IGSF21: variants seen among roughly 807,000 people sequenced by gnomAD.
The protein encoded by IGSF21 is immunoglobin superfamily member 21.
Under a neutral mutation model 46.8 loss-of-function variants are expected in IGSF21, and 28 were observed. The ratio of observed to expected loss-of-function variants is 0.60; its 90% CI spans 0.44 to 0.82. The LOEUF (loss-of-function observed/expected upper bound fraction) is 0.82, where lower values mean the gene tolerates loss of function less well. Among genes scored for constraint, IGSF21 ranks in the 40% least tolerant of loss-of-function variants. The probability of loss-of-function intolerance (pLI) is 0.00; values close to 1 mark genes in which losing one functional copy is unlikely to be tolerated. For synonymous variants in IGSF21, 284 were observed against 273.6 expected, an observed-to-expected ratio of 1.04 and a Z score of -0.38; for missense variants, 624 against 665.5, an observed-to-expected ratio of 0.94 and a Z score of 0.69.
chr1:18,300,200 C>T (rs2124574173), intron 3 of IGSF21, among the ~76,000 whole-genome samples: 2 of 152,212 alleles, frequency 1.3e-5, no homozygotes, highest in East Asian at 3.9e-4. Context: ...TTGCTGAGCT[C>T]CACCAAGACA....
intron 2 of IGSF21, 34 bp downstream of exon 2, chr1:18,228,044 G>T: frequency 6.6e-7 from 1 of 1,521,066 alleles, no homozygotes; most frequent in Non-Finnish European, 9.1e-7. Context: ...TCATGCCCAT[G>T]GCCAGGACTG....
chr1:18,248,695 C>T (rs1178577918), intron 2 of IGSF21, among the ~76,000 whole-genome samples: 1 of 152,164 alleles, frequency 6.6e-6, no homozygotes, highest in East Asian at 1.9e-4. Context: ...TTCATTCCTC[C>T]AACATTCCCA....
At chr1:18,181,273 C>T (rs923922350) in intron 1 of IGSF21, among the ~76,000 whole-genome samples, 4 of 152,160 alleles carry the variant, frequency 2.6e-5, no homozygotes, top group African/African-American at 4.8e-5. Context: ...ATAGCTCTGC[C>T]GAACTCCAAA....
intron 3 of IGSF21, among the ~76,000 whole-genome samples, chr1:18,317,480 A>C (rs150816594): frequency 5.1e-4 from 77 of 152,280 alleles, no homozygotes; most frequent in African/African-American, 1.5e-3. Flanking sequence ...TCTCCATGGG[A>C]ACCACACCTG....
At position 18,263,175 on chromosome 1, in the gene IGSF21, G is replaced by A. The variant is rs111449742; in HGVS notation, c.184-28691G>A. On this transcript the variant is annotated intron_variant, in intron 2 of 9. Transcript: ENST00000251296. ...AAATAAAAGAACAACAACTCAGAGG[G>A]TTAACCATATCACACTGAGTTTTTC... Among the ~76,000 whole-genome samples, 921 of 152,270 alleles carry A rather than the reference G, an allele frequency of 6.0e-3. 8 individuals carry two copies. The highest frequency in any genetic ancestry group is 0.021 in the African/African-American group (866 of 41,556).
At chr1:18,265,123 C>T (rs1052223216) in intron 2 of IGSF21, among the ~76,000 whole-genome samples, 1 of 152,142 alleles carries the variant, frequency 6.6e-6, no homozygotes, top group African/African-American at 2.4e-5. Flanking sequence ...TGAACCTGAC[C>T]TGAACTGACT....
At position 18,210,208 on chromosome 1, in the gene IGSF21, C is replaced by T. The variant is rs531460333; in HGVS notation, c.71-17690C>T. 1.2e-4 allele frequency among the ~76,000 whole-genome samples: 18 copies of T among 152,168 alleles called. No individual in the cohort carries two copies. The East Asian group carries it at 1.7e-3, about 15-fold the overall frequency. ...TTGCTTCTCCTGTCAAGTGGAAGAACGAGATTAGAGAGGAGAGAGAAGCTG... is the reference window on the plus strand; with the variant it reads ...TTGCTTCTCCTGTCAAGTGGAAGAATGAGATTAGAGAGGAGAGAGAAGCTG... On this transcript the variant is annotated intron_variant, in intron 1 of 9. Transcript: ENST00000251296.
intron 1 of IGSF21, among the ~76,000 whole-genome samples, chr1:18,134,925 C>T (rs1276674207): frequency 6.6e-6 from 1 of 152,232 alleles, no homozygotes; most frequent in Non-Finnish European, 1.5e-5. Context: ...GATTGAGCAA[C>T]AGATTTTTCT....
intron 3 of IGSF21, among the ~76,000 whole-genome samples, chr1:18,302,298 G>T (rs935203132): frequency 2.6e-5 from 4 of 152,036 alleles, no homozygotes; most frequent in African/African-American, 9.7e-5. Flanking sequence ...GCCTTCTCCT[G>T]CTGGCTCCCA....
chr1:18,119,442 G>A (rs1481112000), intron 1 of IGSF21, among the ~76,000 whole-genome samples: 1 of 152,234 alleles, frequency 6.6e-6, no homozygotes, highest in Non-Finnish European at 1.5e-5. Context: ...AACAGTGATT[G>A]GCGGCTAGTG....
chr1:18,212,760 C>A (rs1438424598), intron 1 of IGSF21, among the ~76,000 whole-genome samples: 1 of 152,224 alleles, frequency 6.6e-6, no homozygotes, highest in African/African-American at 2.4e-5. Context: ...CAGGGCACCT[C>A]ACAAGCATCC....
At chr1:18,108,230 C>A in intron 1 of IGSF21, 32 bp downstream of exon 1, 1 of 1,333,210 alleles carries the variant, frequency 7.5e-7, no homozygotes, top group Non-Finnish European at 9.6e-7. Context: ...GGGAGCCGAG[C>A]GGTGAACGTG....
At chr1:18,184,585 T>C (rs12092482) in intron 1 of IGSF21, among the ~76,000 whole-genome samples, 8,018 of 152,236 alleles carry the variant, frequency 0.053, 231 homozygotes, top group African/African-American at 0.062. Flanking sequence ...TTCTTGCCCT[T>C]TGGGGAGGGT....
In IGSF21 at chr1:18,378,467, CA is replaced by C. The variant is rs1321475446; in HGVS notation, c.*142del. The C allele has an allele frequency of 9.7e-6, 7 of 719,144 alleles. No homozygotes were observed. In the Admixed American group the frequency reaches 1.9e-4, roughly 19 times the overall value. 44.5% of individuals were successfully genotyped at this position (719,144 alleles called of 1,614,324 possible). ...CTTCAGTCGGTTTAATTAAAACAAA[CA>C]GAACAATTTTCCCCACCTCGGTTTG... On this transcript the variant is annotated 3_prime_UTR_variant, in exon 10 of 10. Coordinates refer to ENST00000251296, the MANE Select transcript of IGSF21 (RefSeq NM_032880.5).
chr1:18,374,089 CTG>C (rs1271901683), intron 6 of IGSF21, among the ~76,000 whole-genome samples: 1 of 152,212 alleles, frequency 6.6e-6, no homozygotes, highest in Non-Finnish European at 1.5e-5. Context: ...GCGCCCTCTC[CTG>C]GCTGCAGCCA....
chr1:18,158,672 C>T (rs548916302), intron 1 of IGSF21, among the ~76,000 whole-genome samples: 44 of 152,298 alleles, frequency 2.9e-4, no homozygotes, highest in African/African-American at 1.0e-3. Context: ...AATCTCTCTG[C>T]CTTCAGAAGG....
At chr1:18,111,206 G>C (rs1286609428) in intron 1 of IGSF21, 1 of 152,222 alleles carries the variant, frequency 6.6e-6, no homozygotes, top group Non-Finnish European at 1.5e-5. Flanking sequence ...AGCCCCAACT[G>C]GGGGAGTTAA....
At chr1:18,197,945 C>T (rs910079295) in intron 1 of IGSF21, among the ~76,000 whole-genome samples, 70 of 152,116 alleles carry the variant, frequency 4.6e-4, no homozygotes, top group African/African-American at 1.6e-3. Context: ...GGAAAGGTGT[C>T]GTAACCTCTC....
chr1:18,282,088 A>G lies in IGSF21; in HGVS notation c.184-9778A>G, dbSNP rs559158259. ...GTCAAGGGCGCTCCTGCTCTGAATGACCTCCTAGGGCACCAAGGGTCCAGC... is the reference window on the plus strand; with the variant it reads ...GTCAAGGGCGCTCCTGCTCTGAATGGCCTCCTAGGGCACCAAGGGTCCAGC... On this transcript the variant is annotated intron_variant, in intron 2 of 9. Coordinates refer to ENST00000251296, the MANE Select transcript of IGSF21 (RefSeq NM_032880.5). 6.6e-5 allele frequency among the ~76,000 whole-genome samples: 10 copies of G among 151,984 alleles called. No individual in the cohort carries two copies. In the South Asian group the frequency reaches 1.9e-3, roughly 28 times the overall value.
Sources: allele counts gnomAD v4.1 joint callset (sites outside exome capture counted in the v4.1 genomes callset), GRCh38; gene constraint gnomAD v4.1.1; transcripts MANE v1.5; gene names NCBI Gene and HGNC (gene_info 2026-07-23, HGNC 2026-07-21).